Variants in DCSTAMP observed in about 807,000 individuals in gnomAD.
The protein encoded by DCSTAMP is dendritic cell-specific transmembrane protein.
A neutral mutation model predicts 33.8 loss-of-function variants in DCSTAMP; 25 were observed. The ratio of observed to expected loss-of-function variants is 0.74; its 90% CI spans 0.54 to 1.03. DCSTAMP has a LOEUF of 1.03. Among genes scored for constraint, DCSTAMP ranks in the 50% least tolerant of loss-of-function variants. DCSTAMP has a pLI of 0.00. For synonymous variants in DCSTAMP, 245 were observed against 216.7 expected (o/e 1.13, Z -1.15); for missense variants, 531 against 556.8 (o/e 0.95, Z 0.47).
chr8:104,350,252 A>G (rs889694873), intron 2 of DCSTAMP, among the ~76,000 whole-genome samples: 4 of 152,210 alleles, frequency 2.6e-5, no homozygotes, highest in African/African-American at 9.6e-5. Flanking sequence ...GGAAATAAGT[A>G]TCTCTGAGGT....
At chr8:104,347,912 G>A (rs1012020600) in intron 1 of DCSTAMP, among the ~76,000 whole-genome samples, 1 of 152,140 alleles carries the variant, frequency 6.6e-6, no homozygotes, top group Non-Finnish European at 1.5e-5. Flanking sequence ...TATTCACAAG[G>A]GCTCTTATAA....
intron 2 of DCSTAMP, among the ~76,000 whole-genome samples, chr8:104,351,969 T>G (rs1020743868): frequency 6.6e-6 from 1 of 152,246 alleles, no homozygotes; most frequent in Non-Finnish European, 1.5e-5. Context: ...TTTATTGTTA[T>G]TTTTAATTGA....
chr8:104,352,843 C>A (rs1810503492), intron 2 of DCSTAMP, among the ~76,000 whole-genome samples: 1 of 152,166 alleles, frequency 6.6e-6, no homozygotes, highest in Non-Finnish European at 1.5e-5. Context: ...CTCAAACTCT[C>A]TCCTGCTGTG....
chr8:104,355,620 C>A (rs556330041), intron 3 of DCSTAMP, among the ~76,000 whole-genome samples: 13 of 151,682 alleles, frequency 8.6e-5, no homozygotes, highest in Middle Eastern at 3.4e-3. Flanking sequence ...AGAGGATATA[C>A]AAAAATATAA....
At position 104,355,081 on chromosome 8, in the gene DCSTAMP, G is replaced by A. The variant is rs200921068; in HGVS notation, c.1234G>A (p.Val412Met). ...GGTGTCAGCATCTTTCTACCCCAGC[G>A]TGGAGAGGAAGCGCATCCAATATCT... Reference protein sequence around the residue: ...ILVSASFYPSVERKRIQYLHA... With the variant: ...ILVSASFYPSMERKRIQYLHA... The change falls in exon 3 of 4, where the codon GTG becomes ATG. Residue 412 changes from valine (V) to methionine (M), a missense_variant. Coordinates refer to ENST00000297581, the MANE Select transcript of DCSTAMP (RefSeq NM_030788.4). The A allele has an allele frequency of 1.7e-4, 271 of 1,613,902 alleles. No individual in the cohort carries two copies. Among genetic ancestry groups the A allele is most frequent in the Non-Finnish European group, 2.0e-4 (239 of 1,180,008 alleles).
chr8:104,342,465 A>T (rs949440621), intron 1 of DCSTAMP, among the ~76,000 whole-genome samples: 3 of 152,250 alleles, frequency 2.0e-5, no homozygotes, highest in Non-Finnish European at 2.9e-5. Flanking sequence ...GACTGCCTCC[A>T]TAGAGAACTT....
At chr8:104,347,054 A>C (rs1810333236) in intron 1 of DCSTAMP, among the ~76,000 whole-genome samples, 1 of 152,214 alleles carries the variant, frequency 6.6e-6, no homozygotes, top group African/African-American at 2.4e-5. Context: ...CTTATTAGAT[A>C]TTTTCATGTC....
chr8:104,355,206 T>C, intron 3 of DCSTAMP, 21 bp downstream of exon 3: 2 of 1,589,324 alleles, frequency 1.3e-6, no homozygotes, highest in African/African-American at 1.4e-5. Context: ...GATGGTGGTG[T>C]AACCTCCAAT....
chr8:104,341,472 C>T (rs973888572), intron 1 of DCSTAMP, among the ~76,000 whole-genome samples: 2 of 152,196 alleles, frequency 1.3e-5, no homozygotes, highest in South Asian at 2.1e-4. Flanking sequence ...CATGCTGGGG[C>T]TCTCAATGCT....
Position 104,349,063 on chromosome 8 carries a change from C to T in DCSTAMP, c.511C>T (p.Leu171=), listed in dbSNP as rs1810391837. Residue 171 remains leucine (L), a synonymous_variant, in exon 2 of 4, where the codon CTG becomes TTG. Transcript: ENST00000297581. ...TGACCTTGTTTCTTGGAACCAGACC[C>T]TGGCAGTCTCTCTTTTCAGTCCCAG... ...FDDLVSWNQT[L]AVSLFSPSHV... is the part of the protein sequence containing the mutation. The T allele has an allele frequency of 6.2e-7, 1 of 1,614,202 alleles. No individual in the cohort carries two copies. The highest frequency in any genetic ancestry group is 8.5e-7 in the Non-Finnish European group (1 of 1,180,050).
chr8:104,349,512 C>T lies in DCSTAMP; in HGVS notation c.960C>T (p.Leu320=), dbSNP rs144377739. Residue 320 remains leucine, a synonymous_variant, in exon 2 of 4, where the codon CTC becomes CTT. Transcript: ENST00000297581. ...CTGTAGATTATCTGCTGTATCGGCT[C>T]ATTTTCTCAGTGAGCAAGCAGTTTC... is the stretch of plus-strand genomic sequence containing the variant. ...FAAVDYLLYR[L]IFSVSKQFQS... The T allele has an allele frequency of 1.4e-3, 2,260 of 1,614,116 alleles. 12 individuals are homozygous for T. The highest frequency in any genetic ancestry group is 9.8e-3 in the South Asian group (895 of 91,034).
intron 1 of DCSTAMP, among the ~76,000 whole-genome samples, chr8:104,343,020 T>C (rs36048262): frequency 2.0e-5 from 3 of 152,170 alleles, no homozygotes; most frequent in East Asian, 3.9e-4. Context: ...CTGGATGTGG[T>C]TGACAACGCA....
At chr8:104,354,638 G>A (rs925194098) in intron 2 of DCSTAMP, among the ~76,000 whole-genome samples, 3 of 152,114 alleles carry the variant, frequency 2.0e-5, no homozygotes, top group South Asian at 2.1e-4. Flanking sequence ...TTCTCTCAAG[G>A]GAATCTTTAC....
Position 104,347,635 on chromosome 8 carries a change from C to T in DCSTAMP, c.-12-906C>T, listed in dbSNP as rs532696695. Among the ~76,000 whole-genome samples the T allele has an allele frequency of 4.1e-4, 62 of 152,170 alleles. 1 individual carries two copies. The highest frequency in any genetic ancestry group is 1.0e-3 in the Admixed American group (16 of 15,288). Reference sequence around the variant, plus strand: ...ACGTGTCTGTGGTCAGCCGGTGGGCCGGCTGAGAACCAGCTGGTCTAGGAT... The same window carrying T: ...ACGTGTCTGTGGTCAGCCGGTGGGCTGGCTGAGAACCAGCTGGTCTAGGAT... On this transcript the variant is annotated intron_variant, in intron 1 of 3. Transcript: ENST00000297581.
At chr8:104,340,530 G>A (rs1316078730) in intron 1 of DCSTAMP, 1 of 152,248 alleles carries the variant, frequency 6.6e-6, no homozygotes, top group African/African-American at 2.4e-5. Context: ...CCACTCCCAG[G>A]TGCTGGGCTT....
intron 2 of DCSTAMP, among the ~76,000 whole-genome samples, chr8:104,352,311 T>C (rs900078908): frequency 6.6e-6 from 1 of 152,166 alleles, no homozygotes; most frequent in Non-Finnish European, 1.5e-5. Context: ...CCCTGAAGAA[T>C]CCCGTTAATT....
At chr8:104,344,171 G>C (rs1320848628) in intron 1 of DCSTAMP, among the ~76,000 whole-genome samples, 1 of 152,156 alleles carries the variant, frequency 6.6e-6, no homozygotes, top group African/African-American at 2.4e-5. Context: ...CTATCAGCCA[G>C]GGAGGTGTCA....
rs150073604 is a variant in DCSTAMP at position 104,349,459 on chromosome 8, C to T, written c.907C>T (p.His303Tyr). ...LGLFFLPILI[H>Y]LCIWVLFAAV... ...GCTGTTTTTCCTCCCCATACTTATCCATCTCTGCATCTGGGTGCTGTTTGC... is the reference window on the plus strand; with the variant it reads ...GCTGTTTTTCCTCCCCATACTTATCTATCTCTGCATCTGGGTGCTGTTTGC... Residue 303 changes from histidine (H) to tyrosine (Y), a missense_variant, in exon 2 of 4, where the codon CAT becomes TAT. His to Tyr is a moderately conservative substitution (Grantham distance 83, BLOSUM62 2). Coordinates refer to ENST00000297581, the MANE Select transcript of DCSTAMP (RefSeq NM_030788.4). The T allele has an allele frequency of 6.2e-7, 1 of 1,614,158 alleles. No individual in the cohort carries two copies. The highest frequency in any genetic ancestry group is 8.5e-7 in the Non-Finnish European group (1 of 1,180,046).
intron 1 of DCSTAMP, among the ~76,000 whole-genome samples, chr8:104,340,678 G>A (rs923731830): frequency 6.6e-6 from 1 of 152,216 alleles, no homozygotes; most frequent in African/African-American, 2.4e-5. Flanking sequence ...CTGAGGTCCA[G>A]GAGGTGACAT....
Sources: gnomAD v4.1 joint callset for allele counts (sites outside exome capture counted in the v4.1 genomes callset) on GRCh38, gnomAD v4.1.1 for gene constraint, MANE v1.5 for transcripts, NCBI Gene and HGNC (gene_info 2026-07-23, HGNC 2026-07-21) for gene names.